TMEM183A: variants seen among roughly 807,000 people sequenced by gnomAD.
TMEM183A encodes chromosome 1 open reading frame 37.
Under a neutral mutation model 46.7 loss-of-function variants are expected in TMEM183A, and 21 were observed. The observed-to-expected ratio is 0.45, with a 90% CI of 0.32 to 0.65. The LOEUF (loss-of-function observed/expected upper bound fraction) is 0.65, where lower values mean the gene tolerates loss of function less well. Among genes scored for constraint, TMEM183A ranks in the 30% least tolerant of loss-of-function variants. TMEM183A has a pLI of 0.04. For synonymous variants in TMEM183A, 165 were observed against 180.2 expected (o/e 0.92, Z 0.68); for missense variants, 331 against 481.9 (o/e 0.69, Z 2.93).
At position 203,010,229 on chromosome 1, in the gene TMEM183A, A is replaced by G. The variant is rs543824836; in HGVS notation, c.367+1419A>G. ...TTTCACCTGTACCTGAGAATCAGAT[A>G]ATAGATATTTTTATTTGTTAAAGTA... On this transcript the variant is annotated intron_variant, in intron 3 of 7. Transcript: ENST00000367242. Among the ~76,000 whole-genome samples, 3 of 152,338 alleles carry G rather than the reference A, an allele frequency of 2.0e-5. No individual in the cohort carries two copies. The South Asian group carries it at 6.2e-4, about 32-fold the overall frequency.
intron 7 of TMEM183A, among the ~76,000 whole-genome samples, chr1:203,022,122 C>T (rs970877469): frequency 9.2e-5 from 14 of 151,818 alleles, no homozygotes; most frequent in Non-Finnish European, 1.5e-4. Flanking sequence ...GCTGGAGTGC[C>T]GTGGTGCGCA....
rs561784672 is a variant in TMEM183A at position 203,013,101 on chromosome 1, A to G, written c.368-1788A>G. On this transcript the variant is annotated intron_variant, in intron 3 of 7. Transcript: ENST00000367242. The surrounding 1 kb of genome is among the most constrained non-coding windows in gnomAD (Gnocchi z 4.0). ...ATGTGGGAGAAAGTGGGGCCTAGAC[A>G]TGGTAGACTGTGTCTTGCATGATTA... Among the ~76,000 whole-genome samples the G allele has an allele frequency of 6.6e-6, 1 of 152,362 alleles. No homozygotes were observed. The highest frequency in any genetic ancestry group is 2.4e-5 in the African/African-American group (1 of 41,582).
In TMEM183A at chr1:203,007,875, G is replaced by C. The variant is rs1656128980; in HGVS notation, c.199+12G>C. 1 of 1,614,022 alleles carries C rather than the reference G, an allele frequency of 6.2e-7. No homozygotes were observed. Among genetic ancestry groups the C allele is most frequent in the East Asian group, 2.2e-5 (1 of 44,876 alleles). ...TGTTCAGCAGGAAGGTAAGCTTTGC[G>C]CGAGCCTTTAAAGACTCATGCCGCG... On this transcript the variant is annotated intron_variant, in intron 2 of 7. Coordinates refer to ENST00000367242, the MANE Select transcript of TMEM183A (RefSeq NM_138391.6).
At chr1:203,018,948 T>A (rs774210766) in intron 6 of TMEM183A, among the ~76,000 whole-genome samples, 26 of 152,252 alleles carry the variant, frequency 1.7e-4, no homozygotes, top group Non-Finnish European at 3.5e-4. Flanking sequence ...AAAAAGGCCC[T>A]ACCTCTTAAT....
intron 4 of TMEM183A, chr1:203,015,663 T>C: frequency 5.8e-6 from 2 of 346,172 alleles, no homozygotes; most frequent in South Asian, 3.6e-5. Flanking sequence ...TATAGGTTCC[T>C]CCAGGACAGG....
chr1:203,016,259 C>T, intron 5 of TMEM183A, 119 bp downstream of exon 5: 3 of 1,399,232 alleles, frequency 2.1e-6, no homozygotes, highest in Non-Finnish European at 2.0e-6. Context: ...TGCTAGGGGA[C>T]TAATGTAAAC....
In TMEM183A at chr1:203,008,691, C is replaced by T; in HGVS notation, c.248C>T (p.Ala83Val). The T allele has an allele frequency of 6.2e-7, 1 of 1,600,734 alleles. No homozygotes were observed. The highest frequency in any genetic ancestry group is 1.1e-5 in the South Asian group (1 of 88,842). ...GCCTCTCAGGTTCCTGCAGAGGAAG[C>T]TCTTTCTGGGGCTGGTGAGCCCTGT... ...LEASQVPAEEALSGAGEPCDI... is the reference protein window; with the variant it reads ...LEASQVPAEEVLSGAGEPCDI... Residue 83 changes from alanine to valine, a missense_variant, in exon 3 of 8, where the codon GCT becomes GTT. Coordinates refer to ENST00000367242, the MANE Select transcript of TMEM183A (RefSeq NM_138391.6).
chr1:203,018,674 T>C (rs1657397354), intron 6 of TMEM183A, 113 bp downstream of exon 6: 1 of 1,221,316 alleles, frequency 8.2e-7, no homozygotes, highest in Non-Finnish European at 1.2e-6. Flanking sequence ...TCTGGGTAAC[T>C]TAAAAAGAAC....
At chr1:203,018,325 G>T (rs1175969428) in intron 5 of TMEM183A, among the ~76,000 whole-genome samples, 156 bp from the exon 6 acceptor site, 1 of 152,180 alleles carries the variant, frequency 6.6e-6, no homozygotes, top group East Asian at 1.9e-4. Flanking sequence ...TCAACTTGGG[G>T]GTCTATCTGT....
intron 6 of TMEM183A, among the ~76,000 whole-genome samples, chr1:203,018,957 AT>A (rs1657422056): frequency 6.6e-6 from 1 of 152,238 alleles, no homozygotes; most frequent in South Asian, 2.1e-4. Context: ...CTACCTCTTA[AT>A]ACTATTGTGT....
At chr1:203,008,330 A>T (rs1304822252) in intron 2 of TMEM183A, among the ~76,000 whole-genome samples, 1 of 152,204 alleles carries the variant, frequency 6.6e-6, no homozygotes, top group Non-Finnish European at 1.5e-5. Flanking sequence ...TGTAGACCTT[A>T]TGAGAATACA....
chr1:203,011,644 G>A (rs960321856), intron 3 of TMEM183A, among the ~76,000 whole-genome samples: 7 of 152,124 alleles, frequency 4.6e-5, no homozygotes, highest in East Asian at 3.9e-4. Flanking sequence ...CCAGACCTCC[G>A]GTGATCCACC....
At chr1:203,017,525 C>G (rs761540889) in intron 5 of TMEM183A, among the ~76,000 whole-genome samples, 8 of 152,200 alleles carry the variant, frequency 5.3e-5, no homozygotes, top group Non-Finnish European at 1.0e-4. Context: ...AAACTAAGGT[C>G]TTAATCCAGA....
chr1:203,007,583 G>C lies in TMEM183A; in HGVS notation c.109+9G>C, dbSNP rs746215832. ...CGCCTGCTCCGGCCGAGGTGGGCGA[G>C]GGGGGCAGGGGCGCTGAAACATTTT... On this transcript the variant is annotated intron_variant, in intron 1 of 7. Transcript: ENST00000367242. The C allele has an allele frequency of 6.5e-7, 1 of 1,541,384 alleles. No individual in the cohort carries two copies. Among genetic ancestry groups the C allele is most frequent in the Non-Finnish European group, 8.7e-7 (1 of 1,148,152 alleles).
At chr1:203,015,723 G>A in intron 4 of TMEM183A, 1 of 525,948 alleles carries the variant, frequency 1.9e-6, no homozygotes, top group East Asian at 3.3e-5. Flanking sequence ...TTCAGAGTTT[G>A]CTCTTTTGTT....
chr1:203,015,621 T>C, intron 4 of TMEM183A: 1 of 251,726 alleles, frequency 4.0e-6, no homozygotes, highest in Non-Finnish European at 7.7e-6. Flanking sequence ...CACTGTGAGA[T>C]CTGACTGGAG....
chr1:203,015,371 G>A, intron 4 of TMEM183A: 1 of 343,314 alleles, frequency 2.9e-6, no homozygotes, highest in Non-Finnish European at 5.3e-6. Context: ...AGCTACAGAT[G>A]CCTATCTGCT....
At chr1:203,012,307 C>CCAT (rs10692558) in intron 3 of TMEM183A, among the ~76,000 whole-genome samples, 73,038 of 145,702 alleles carry the variant, frequency 0.5, 18,798 homozygotes, top group Non-Finnish European at 0.52. Context: ...TCCAGATATA[C>CCAT]CATCATCTTT....
chr1:203,011,586 T>A (rs1656587529), intron 3 of TMEM183A, among the ~76,000 whole-genome samples: 1 of 152,086 alleles, frequency 6.6e-6, no homozygotes, highest in African/African-American at 2.4e-5. Flanking sequence ...TTTTGTAATT[T>A]TTAATAGAGA....
Sources: gnomAD v4.1 joint callset for allele counts (sites outside exome capture counted in the v4.1 genomes callset) on GRCh38, gnomAD v4.1.1 for gene constraint, Gnocchi (gnomAD v3.1) non-coding constraint, MANE v1.5 for transcripts, NCBI Gene and HGNC (gene_info 2026-07-23, HGNC 2026-07-21) for gene names.